The following ETHE1 variants were observed in gnomAD, a reference collection of about 807,000 sequenced individuals.
ETHE1 encodes persulfide dioxygenase ETHE1, mitochondrial.
A neutral mutation model predicts 25.7 loss-of-function variants in ETHE1; 16 were observed. That is an observed-to-expected ratio of 0.62 (90% CI 0.42 to 0.95). The LOEUF (loss-of-function observed/expected upper bound fraction) is 0.95. Ranked by LOEUF, ETHE1 falls within the 40% of genes least tolerant of loss-of-function variation. The pLI, the probability that ETHE1 is intolerant of heterozygous loss-of-function variation, is 0.00. For synonymous variants in ETHE1, 139 were observed against 135.9 expected (o/e 1.02, Z -0.16); for missense variants, 300 against 333.6 (o/e 0.90, Z 0.79).
intron 3 of ETHE1, among the ~76,000 whole-genome samples, chr19:43,518,648 G>A (rs1600004906): frequency 1.3e-5 from 2 of 151,204 alleles, no homozygotes; most frequent in African/African-American, 4.9e-5. Context: ...CTACTCGGGA[G>A]GCTGAGGCAG....
At chr19:43,508,164 T>G in intron 5 of ETHE1, 104 bp from the exon 6 acceptor site, 6 of 1,539,122 alleles carry the variant, frequency 3.9e-6, no homozygotes, top group Non-Finnish European at 4.4e-6. Context: ...GCAGGGGCTC[T>G]TCCCAGAATA....
At chr19:43,518,751 C>CAAAA (rs34214132) in intron 3 of ETHE1, among the ~76,000 whole-genome samples, 1 of 77,602 alleles carries the variant, frequency 1.3e-5, no homozygotes, top group Non-Finnish European at 2.4e-5. Flanking sequence ...ACTCTTGTCT[C>CAAAA]AAAAAAAAAA....
Position 43,511,482 on chromosome 19 carries a change from C to T in ETHE1, c.460G>A (p.Asp154Asn), listed in dbSNP as rs898655786. The change falls in exon 4 of 7, where the codon GAT becomes AAT. Residue 154 changes from aspartate to asparagine, a missense_variant. Physicochemically the swap from Asp to Asn is conservative, Grantham distance 23. Transcript: ENST00000292147. ...LNDHSMAFTG[D>N]ALLIRGCGRT... ...CCACACCCACGGATCAACAGGGCAT[C>T]TCCAGTGAAGGCCATGCTGTGGTCA... 3 of 1,614,208 alleles carry T rather than the reference C, an allele frequency of 1.9e-6. No individual in the cohort carries two copies. The highest frequency in any genetic ancestry group is 2.2e-5 in the South Asian group (2 of 91,090).
intron 2 of ETHE1, 37 bp downstream of exon 2, chr19:43,526,478 C>T (rs1362604186): frequency 1.2e-6 from 2 of 1,607,056 alleles, no homozygotes; most frequent in African/African-American, 2.7e-5. Flanking sequence ...TGCAGCCCAG[C>T]CCCGCTGGGA....
intron 3 of ETHE1, among the ~76,000 whole-genome samples, chr19:43,512,478 A>G (rs1200546673): frequency 6.6e-6 from 1 of 152,166 alleles, no homozygotes; most frequent in Non-Finnish European, 1.5e-5. Flanking sequence ...GACTGGCAGC[A>G]TTTTGCCCCT....
chr19:43,520,953 C>A (rs1972127104), intron 3 of ETHE1, among the ~76,000 whole-genome samples: 1 of 152,060 alleles, frequency 6.6e-6, no homozygotes, highest in Non-Finnish European at 1.5e-5. Flanking sequence ...CTTCTCTAAG[C>A]CAGCATATTT....
chr19:43,518,439 A>C (rs1286253724), intron 3 of ETHE1, among the ~76,000 whole-genome samples: 1 of 152,138 alleles, frequency 6.6e-6, no homozygotes, highest in East Asian at 1.9e-4. Flanking sequence ...TGAATATTTA[A>C]TAATGATATA....
chr19:43,519,123 T>A (rs1159076709), intron 3 of ETHE1, among the ~76,000 whole-genome samples: 1 of 148,758 alleles, frequency 6.7e-6, no homozygotes, highest in African/African-American at 2.5e-5. Context: ...GTGATTCTCA[T>A]GCTTCAGCCT....
chr19:43,514,197 T>C (rs1454113241), intron 3 of ETHE1, among the ~76,000 whole-genome samples: 5 of 152,124 alleles, frequency 3.3e-5, no homozygotes. Flanking sequence ...TCTTGAATTA[T>C]AGCTCCCATA....
In ETHE1 at chr19:43,511,211, G is replaced by A. The variant is rs190020881; in HGVS notation, c.505+226C>T. ...ATAAATGTAATGCATTTGAATCCCC[G>A]AAACTATGCCCTGCCATGGTCCATG... On this transcript the variant is annotated intron_variant, in intron 4 of 6. Transcript: ENST00000292147. Among the ~76,000 whole-genome samples the A allele has an allele frequency of 2.8e-3, 421 of 152,130 alleles. 3 individuals are homozygous for A. Among genetic ancestry groups the A allele is most frequent in the African/African-American group, 9.5e-3 (393 of 41,502 alleles).
chr19:43,510,155 G>C (rs1388194217), intron 4 of ETHE1, among the ~76,000 whole-genome samples: 4 of 152,010 alleles, frequency 2.6e-5, no homozygotes, highest in Non-Finnish European at 5.9e-5. Context: ...TCCAGGCCTA[G>C]TGTTAACCCC....
intron 3 of ETHE1, among the ~76,000 whole-genome samples, chr19:43,522,770 A>C (rs4802185): frequency 6.6e-6 from 1 of 152,070 alleles, no homozygotes; most frequent in African/African-American, 2.4e-5. Context: ...CATGAGCCTG[A>C]CCTAAAATCC....
At chr19:43,509,668 C>T (rs985969240) in intron 4 of ETHE1, among the ~76,000 whole-genome samples, 2 of 147,616 alleles carry the variant, frequency 1.4e-5, no homozygotes, top group Non-Finnish European at 3.0e-5. Context: ...TGATGGCGGG[C>T]GCCTGTAGTC....
At chr19:43,526,173 C>T in intron 3 of ETHE1, 28 bp downstream of exon 3, 1 of 1,614,090 alleles carries the variant, frequency 6.2e-7, no homozygotes, top group African/African-American at 1.3e-5. Context: ...AGGCCACCAC[C>T]CTCTTGGGGA....
At position 43,506,936 on chromosome 19, in the gene ETHE1, G is replaced by T. The variant is rs1020225722; in HGVS notation, c.713-34C>A. ...AAGAAATCAAGGTTAAAACTAAGGG[G>T]CCTAGGTAGAGTTCCAGGCCCCACT... On this transcript the variant is annotated intron_variant, in intron 6 of 6. Transcript: ENST00000292147. The T allele has an allele frequency of 8.7e-6, 14 of 1,612,092 alleles. No homozygotes were observed. The African/African-American group carries it at 1.9e-4, about 22-fold the overall frequency.
intron 2 of ETHE1, 54 bp from the exon 3 acceptor site, chr19:43,526,403 C>T: frequency 6.2e-7 from 1 of 1,610,942 alleles, no homozygotes. Context: ...CCTGGGAGTC[C>T]CAGCCCAGAT....
chr19:43,507,404 C>T (rs1486349147), intron 6 of ETHE1, among the ~76,000 whole-genome samples: 6 of 52,324 alleles, frequency 1.1e-4, no homozygotes, highest in Admixed American at 2.2e-4. Context: ...TCCTCCTCCC[C>T]CAGTCCCTCC....
intron 5 of ETHE1, among the ~76,000 whole-genome samples, chr19:43,508,346 C>CCT (rs566814361): frequency 8.0e-6 from 1 of 124,710 alleles, no homozygotes; most frequent in African/African-American, 3.0e-5. Flanking sequence ...CACTTTATCT[C>CCT]TTTTTTTTTT....
rs71169253 is a variant in ETHE1 at position 43,518,999 on chromosome 19, G to GTTTTTT, written c.375+7196_375+7201dup. 8.0e-3 allele frequency among the ~76,000 whole-genome samples: 725 copies of GTTTTTT among 90,868 alleles called. 100 individuals carry two copies. Among genetic ancestry groups the GTTTTTT allele is most frequent in the East Asian group, 0.036 (88 of 2,456 alleles). 59.6% of individuals were successfully genotyped at this position (90,868 alleles called of 152,430 possible). ...CTGATGGCTGATGAAATTTGTGCTT[G>GTTTTTT]TTTTTTTTTTTTTTTTTTTTTTTTT... On this transcript the variant is annotated intron_variant, in intron 3 of 6. Coordinates refer to ENST00000292147, the MANE Select transcript of ETHE1 (RefSeq NM_014297.5).
Sources: gnomAD v4.1 joint callset for allele counts (sites outside exome capture counted in the v4.1 genomes callset) on GRCh38, gnomAD v4.1.1 for gene constraint, MANE v1.5 for transcripts, NCBI Gene and HGNC (gene_info 2026-07-23, HGNC 2026-07-21) for gene names.